The following MYT1L variants were observed in gnomAD, a reference collection of about 807,000 sequenced individuals.
MYT1L encodes the protein myelin transcription factor 1-like protein.
In MYT1L, 12 loss-of-function variants were observed where a neutral mutation model predicts 126.7. The ratio of observed to expected loss-of-function variants is 0.09; its 90% CI spans 0.06 to 0.15. MYT1L has a LOEUF of 0.15. Among genes scored for constraint, MYT1L ranks in the 10% least tolerant of loss-of-function variants. MYT1L has a pLI of 1.00. For missense variants in MYT1L, 979 were observed against 1,585.2 expected, an observed-to-expected ratio of 0.62 and a Z score of 6.49; for synonymous variants, 541 against 604.2, an observed-to-expected ratio of 0.90 and a Z score of 1.53.
rs146908074 is a variant in MYT1L, at chr2:2,181,780, T to C, written c.-420-8792A>G. ...AGTGAGATTCATCTGCATAAATACA[T>C]CCTCCAACTAACTGCTTCCAAGTGA... On this transcript the variant is annotated intron_variant, in intron 2 of 24. Transcript: ENST00000647738. 1.8e-4 allele frequency among the ~76,000 whole-genome samples: 28 copies of C among 152,224 alleles called. No homozygotes were observed. In the East Asian group the frequency reaches 5.4e-3, roughly 29 times the overall value.
At chr2:1,897,841 C>A (rs558460122) in intron 14 of MYT1L, among the ~76,000 whole-genome samples, 1 of 152,296 alleles carries the variant, frequency 6.6e-6, no homozygotes, top group South Asian at 2.1e-4. Flanking sequence ...GCGCCCAGAA[C>A]ATCACTGTAT....
chr2:1,815,321 A>G (rs1248631016), intron 21 of MYT1L, among the ~76,000 whole-genome samples: 3 of 152,186 alleles, frequency 2.0e-5, no homozygotes, highest in African/African-American at 7.2e-5. Context: ...AGCAGCATCA[A>G]CAGGCCCCTT....
chr2:1,957,158 G>A (rs936794294), intron 8 of MYT1L, among the ~76,000 whole-genome samples: 2 of 152,300 alleles, frequency 1.3e-5, no homozygotes, highest in East Asian at 1.9e-4. Context: ...TTCACTGGGC[G>A]CGTGGCTTGA....
chr2:2,310,996 A>C (rs2095959126), intron 1 of MYT1L, among the ~76,000 whole-genome samples: 1 of 152,248 alleles, frequency 6.6e-6, no homozygotes, highest in Non-Finnish European at 1.5e-5. Flanking sequence ...ATTCTGCTTC[A>C]TGGATCTGTG....
intron 3 of MYT1L, among the ~76,000 whole-genome samples, chr2:2,085,235 C>A (rs1246072648): frequency 1.3e-5 from 2 of 152,180 alleles, no homozygotes; most frequent in Non-Finnish European, 2.9e-5. Context: ...CACATGTGCT[C>A]AGGCAAGCCC....
At chr2:1,931,216 C>T (rs2054926037) in intron 9 of MYT1L, among the ~76,000 whole-genome samples, 2 of 152,220 alleles carry the variant, frequency 1.3e-5, no homozygotes, top group African/African-American at 4.8e-5. Flanking sequence ...TCTGCCGTGG[C>T]AGACAGAGAA....
chr2:2,070,231 T>A (rs572238793), intron 3 of MYT1L, among the ~76,000 whole-genome samples: 1 of 152,290 alleles, frequency 6.6e-6, no homozygotes, highest in Non-Finnish European at 1.5e-5. Context: ...TTACCTACTT[T>A]TTTTGCAAAA....
chr2:2,121,722 T>A (rs1278034798), intron 3 of MYT1L, among the ~76,000 whole-genome samples: 1 of 152,170 alleles, frequency 6.6e-6, no homozygotes, highest in Non-Finnish European at 1.5e-5. Flanking sequence ...GCTGACCTCG[T>A]GATCCGCCCA....
intron 21 of MYT1L, among the ~76,000 whole-genome samples, chr2:1,834,954 G>T (rs1456399072): frequency 9.4e-6 from 1 of 105,978 alleles, no homozygotes; most frequent in Non-Finnish European, 1.8e-5. Flanking sequence ...CATAACACGG[G>T]GATGGATACA....
At chr2:2,247,652 C>CA (rs1280343788) in intron 2 of MYT1L, among the ~76,000 whole-genome samples, 1 of 152,042 alleles carries the variant, frequency 6.6e-6, no homozygotes, top group African/African-American at 2.4e-5. Context: ...TTAAAACATT[C>CA]AAAAAATTGA....
intron 8 of MYT1L, among the ~76,000 whole-genome samples, chr2:1,953,829 T>C (rs956717138): frequency 1.3e-5 from 2 of 152,204 alleles, no homozygotes. Flanking sequence ...CCCTTGCCAC[T>C]TGCAAGACTA....
chr2:1,931,844 G>C (rs945514600), intron 9 of MYT1L, among the ~76,000 whole-genome samples: 66 of 152,222 alleles, frequency 4.3e-4, no homozygotes, highest in African/African-American at 1.5e-3. Flanking sequence ...CCGTGCAGCA[G>C]GTGCAATGCC....
chr2:2,167,420 T>C (rs912043114), intron 3 of MYT1L, among the ~76,000 whole-genome samples: 2 of 152,196 alleles, frequency 1.3e-5, no homozygotes, highest in African/African-American at 4.8e-5. Context: ...CTGGAGACCC[T>C]GAACAACTTC....
At chr2:2,030,727 G>C (rs897671926) in intron 4 of MYT1L, among the ~76,000 whole-genome samples, 1 of 152,110 alleles carries the variant, frequency 6.6e-6, no homozygotes, top group Non-Finnish European at 1.5e-5. Flanking sequence ...TTGTTAATTT[G>C]GTAAAACCTG....
At chr2:2,246,016 C>A (rs1305533761) in intron 2 of MYT1L, among the ~76,000 whole-genome samples, 2 of 152,174 alleles carry the variant, frequency 1.3e-5, no homozygotes, top group Non-Finnish European at 2.9e-5. Flanking sequence ...TAAACTTCTG[C>A]CTAGAGAACT....
chr2:2,209,250 A>T (rs931702472), intron 2 of MYT1L, among the ~76,000 whole-genome samples: 15 of 152,208 alleles, frequency 9.9e-5, no homozygotes, highest in African/African-American at 3.6e-4. Flanking sequence ...GTTACAAAAA[A>T]AATCCAATCA....
intron 2 of MYT1L, among the ~76,000 whole-genome samples, chr2:2,212,129 G>A (rs2093540606): frequency 1.3e-5 from 2 of 152,058 alleles, no homozygotes; most frequent in Non-Finnish European, 2.9e-5. Context: ...GCGTATATAA[G>A]CTTTATACTT....
chr2:2,275,885 C>G (rs966743454), intron 2 of MYT1L, among the ~76,000 whole-genome samples: 3 of 152,170 alleles, frequency 2.0e-5, no homozygotes, highest in South Asian at 4.1e-4. Flanking sequence ...AAAGTCCCAG[C>G]CAACCTCCTC....
chr2:2,146,596 T>A (rs568989339), intron 3 of MYT1L, among the ~76,000 whole-genome samples: 1 of 152,344 alleles, frequency 6.6e-6, no homozygotes, highest in East Asian at 1.9e-4. Flanking sequence ...GCCAAGCTGC[T>A]GTCCCCTGTG....
Sources: allele counts gnomAD v4.1 joint callset (sites outside exome capture counted in the v4.1 genomes callset), GRCh38; gene constraint gnomAD v4.1.1; transcripts MANE v1.5; gene names NCBI Gene and HGNC (gene_info 2026-07-23, HGNC 2026-07-21).